RASAL1: variants seen among roughly 807,000 people sequenced by gnomAD.
RASAL1 encodes rasGAP-activating-like protein 1.
In RASAL1, 72 loss-of-function variants were observed where a neutral mutation model predicts 96.6. That is an observed-to-expected ratio of 0.75 (90% CI 0.62 to 0.91). RASAL1 has a LOEUF of 0.91. RASAL1 is among the 40% of genes least tolerant of loss of function. The probability of loss-of-function intolerance (pLI) is 0.00; values close to 1 mark genes in which losing one functional copy is unlikely to be tolerated. For synonymous variants in RASAL1, 405 were observed against 430.4 expected, an observed-to-expected ratio of 0.94 and a Z score of 0.73; for missense variants, 1,016 against 1,072.5, an observed-to-expected ratio of 0.95 and a Z score of 0.74.
intron 1 of RASAL1, among the ~76,000 whole-genome samples, chr12:113,133,666 C>T (rs1264816867): frequency 6.6e-6 from 1 of 152,182 alleles, no homozygotes; most frequent in Non-Finnish European, 1.5e-5. Context: ...CACCTAAGGG[C>T]TCCCATGGCA....
rs543806674 is a variant in RASAL1, at chr12:113,107,547, G to A, written c.1513-306C>T. The A allele has an allele frequency of 2.9e-5, 15 of 521,334 alleles. No homozygotes were observed. In the East Asian group the frequency reaches 6.6e-4, roughly 23 times the overall value. The allele number at this position is 521,334 out of a possible 1,614,324, so 32.3% of individuals were successfully genotyped here. On this transcript the variant is annotated intron_variant, in intron 14 of 20. Coordinates refer to ENST00000548055, the MANE Select transcript of RASAL1 (RefSeq NM_001301202.2). Reference sequence around the variant, plus strand: ...CTGAGGTGGGAAGATCACTTGAACCGAGGAGGCAGAGGTTGCAGTAAGCCA... The same window carrying A: ...CTGAGGTGGGAAGATCACTTGAACCAAGGAGGCAGAGGTTGCAGTAAGCCA...
rs1566053604 is a variant in RASAL1 at position 113,115,605 on chromosome 12, G to C, written c.1003+30C>G. 6.2e-7 allele frequency: 1 copy of C among 1,607,642 alleles called. No homozygotes were observed. The highest frequency in any genetic ancestry group is 8.5e-7 in the Non-Finnish European group (1 of 1,177,022). On this transcript the variant is annotated intron_variant, in intron 10 of 20. Coordinates refer to ENST00000548055, the MANE Select transcript of RASAL1 (RefSeq NM_001301202.2). This position sits in a 1 kb window ranked among gnomAD's most constrained non-coding sequence, Gnocchi z 4.1. Reference sequence around the variant, plus strand: ...TCCTGCAAGCCCACCATTGAGGGCGGTGATGTCGGGGGTTGTGCGGGCAAC... The same window carrying C: ...TCCTGCAAGCCCACCATTGAGGGCGCTGATGTCGGGGGTTGTGCGGGCAAC...
Position 113,119,180 on chromosome 12 carries a change from C to A in RASAL1, c.590G>T (p.Arg197Leu). ...CATGTCCCAGTCCCAGAGCTCCACC[C>A]GCAGTGGGGACGGGGCACCTGGCAT... ...REMPGAPSPL[R>L]VELWDWDMVG... The change falls in exon 7 of 21, where the codon CGG becomes CTG. Residue 197 changes from arginine (R) to leucine (L), a missense_variant. Arg to Leu is a moderately radical substitution (Grantham distance 102). Coordinates refer to ENST00000548055, the MANE Select transcript of RASAL1 (RefSeq NM_001301202.2). 6.2e-7 allele frequency: 1 copy of A among 1,613,960 alleles called. No homozygotes were observed. Among genetic ancestry groups the A allele is most frequent in the Non-Finnish European group, 8.5e-7 (1 of 1,179,906 alleles).
At position 113,117,174 on chromosome 12, in the gene RASAL1, A is replaced by T; in HGVS notation, c.643-13T>A. 1 of 1,567,100 alleles carries T rather than the reference A, an allele frequency of 6.4e-7. No individual in the cohort carries two copies. Among genetic ancestry groups the T allele is most frequent in the South Asian group, 1.1e-5 (1 of 88,616 alleles). ...GAGAGAACTCCACCTTTTGAGAGAG[A>T]CACACAGACCCTCAGCCGGGCCCTG... On this transcript the variant is annotated splice_polypyrimidine_tract_variant and intron_variant, in intron 7 of 20. Coordinates refer to ENST00000548055, the MANE Select transcript of RASAL1 (RefSeq NM_001301202.2).
chr12:113,128,222 G>T, intron 2 of RASAL1, 44 bp from the exon 3 acceptor site: 1 of 1,238,028 alleles, frequency 8.1e-7, no homozygotes, highest in Non-Finnish European at 1.2e-6. Flanking sequence ...GGGCCACACA[G>T]GAGGCAGACA....
At chr12:113,128,927 G>T (rs1951596243) in intron 2 of RASAL1, among the ~76,000 whole-genome samples, 1 of 148,806 alleles carries the variant, frequency 6.7e-6, no homozygotes, top group African/African-American at 2.5e-5. Context: ...TACAAGGCAG[G>T]TACACATAGA....
Position 113,135,385 on chromosome 12 carries a change from G to T in RASAL1, c.65+13C>A. 1.2e-6 allele frequency: 2 copies of T among 1,605,226 alleles called. No homozygotes were observed. The highest frequency in any genetic ancestry group is 2.3e-5 in the East Asian group (1 of 44,278). ...GCGCGCCCCTCACCCAGAAGCGCCC[G>T]AGGAGTACTCACACGTCCTTGGCAG... On this transcript the variant is annotated intron_variant, in intron 1 of 20. Coordinates refer to ENST00000548055, the MANE Select transcript of RASAL1 (RefSeq NM_001301202.2). The surrounding 1 kb of genome is among the most constrained non-coding windows in gnomAD (Gnocchi z 5.7).
At position 113,112,245 on chromosome 12, in the gene RASAL1, C is replaced by A; in HGVS notation, c.1215G>T (p.Glu405Asp). ...GCCCCAGGCTGGTCTCCCGCATCTG[C>A]TCCTCCGAGAGTGCGCCTTTGAAGG... ...RISFKGALSE[E>D]QMRETSLGLL... Residue 405 changes from glutamate to aspartate, a missense_variant, in exon 13 of 21, where the codon GAG becomes GAT. Physicochemically the swap from Glu to Asp is conservative, Grantham distance 45. Coordinates refer to ENST00000548055, the MANE Select transcript of RASAL1 (RefSeq NM_001301202.2). 7.9e-7 allele frequency: 1 copy of A among 1,266,418 alleles called. No homozygotes were observed. The highest frequency in any genetic ancestry group is 1.5e-5 in the African/African-American group (1 of 65,310). 78.4% of individuals were successfully genotyped at this position (1,266,418 alleles called of 1,614,324 possible).
At chr12:113,105,364 A>G (rs1207063835) in intron 16 of RASAL1, among the ~76,000 whole-genome samples, 1 of 152,260 alleles carries the variant, frequency 6.6e-6, no homozygotes, top group Non-Finnish European at 1.5e-5. Context: ...TTCCTAGTGA[A>G]CACATTCAAT....
At chr12:113,119,099 T>C (rs778232401) in intron 7 of RASAL1, 29 bp downstream of exon 7, 9 of 1,562,188 alleles carry the variant, frequency 5.8e-6, no homozygotes, top group Non-Finnish European at 7.8e-6. Context: ...TGGGGAGCCA[T>C]GGAGGGTATT....
intron 4 of RASAL1, among the ~76,000 whole-genome samples, chr12:113,125,914 G>A (rs78490296): frequency 1.3e-5 from 2 of 152,210 alleles, no homozygotes; most frequent in African/African-American, 4.8e-5. Flanking sequence ...GCACCACGAT[G>A]CCATCCCAAA....
chr12:113,109,418 A>G (rs1190763972), intron 13 of RASAL1, among the ~76,000 whole-genome samples: 1 of 151,846 alleles, frequency 6.6e-6, no homozygotes, highest in African/African-American at 2.4e-5. Context: ...CCCACCTCCA[A>G]CCTCTGCCCT....
chr12:113,127,077 T>TG (rs1301214494), intron 4 of RASAL1, among the ~76,000 whole-genome samples: 1 of 151,048 alleles, frequency 6.6e-6, no homozygotes, highest in Admixed American at 6.6e-5. Flanking sequence ...TTAGTAGCAA[T>TG]GGGGTCTCCC....
intron 5 of RASAL1, 32 bp from the exon 6 acceptor site, chr12:113,119,475 C>T (rs749519311): frequency 1.9e-6 from 3 of 1,574,106 alleles, no homozygotes; most frequent in South Asian, 1.1e-5. Flanking sequence ...AGTGAGGAAA[C>T]ACGGCACCCA....
chr12:113,121,731 T>C lies in RASAL1; in HGVS notation c.299-93A>G, dbSNP rs866529650. On this transcript the variant is annotated intron_variant, in intron 4 of 20. Transcript: ENST00000548055. ...ATTCAATTAACATTATTTTCATTTT[T>C]TTTTTTTTGACACAGGGTCTGGTTC... 8 of 1,446,630 alleles carry C rather than the reference T, an allele frequency of 5.5e-6. No individual in the cohort carries two copies. In the Middle Eastern group the frequency reaches 1.1e-3, roughly 193 times the overall value. The allele number at this position is 1,446,630 out of a possible 1,614,324, so 89.6% of individuals were successfully genotyped here. A position where few individuals can be genotyped will look rare whatever the true frequency, so the allele number is the denominator to read the frequency against.
intron 1 of RASAL1, among the ~76,000 whole-genome samples, chr12:113,131,360 T>C (rs1380316082): frequency 6.6e-6 from 1 of 152,086 alleles, no homozygotes; most frequent in African/African-American, 2.4e-5. Context: ...AAATCAGGTG[T>C]GATGCTCACA....
rs777167309 is a variant in RASAL1 at position 113,135,532 on chromosome 12, A to G, written c.-70T>C. 1.5e-6 allele frequency: 2 copies of G among 1,333,550 alleles called. No homozygotes were observed. Among genetic ancestry groups the G allele is most frequent in the East Asian group, 2.5e-5 (1 of 39,808 alleles). The allele number at this position is 1,333,550 out of a possible 1,614,324, so 82.6% of individuals were successfully genotyped here. Reference sequence around the variant, plus strand: ...CGAGGCTGGACCAGGGGACGTCTACATGTCACCTGCTTCAAGCCTGGCTCC... The same window carrying G: ...CGAGGCTGGACCAGGGGACGTCTACGTGTCACCTGCTTCAAGCCTGGCTCC... On this transcript the variant is annotated 5_prime_UTR_variant, in exon 1 of 21. It removes an upstream start codon present in the reference 5' UTR. Coordinates refer to ENST00000548055, the MANE Select transcript of RASAL1 (RefSeq NM_001301202.2). This position sits in a 1 kb window ranked among gnomAD's most constrained non-coding sequence, Gnocchi z 5.7.
intron 7 of RASAL1, among the ~76,000 whole-genome samples, chr12:113,118,735 A>G (rs1181785495): frequency 6.6e-6 from 1 of 152,136 alleles, no homozygotes; most frequent in Non-Finnish European, 1.5e-5. Context: ...AAAGCCACTT[A>G]GCCTCTCTGA....
At chr12:113,106,762 A>G (rs923348977) in intron 15 of RASAL1, among the ~76,000 whole-genome samples, 3 of 151,582 alleles carry the variant, frequency 2.0e-5, no homozygotes, top group Non-Finnish European at 4.4e-5. Flanking sequence ...GTGAGATCAG[A>G]TTTTCTCTGT....
Sources: allele counts gnomAD v4.1 joint callset (sites outside exome capture counted in the v4.1 genomes callset), GRCh38; gene constraint gnomAD v4.1.1; non-coding constraint Gnocchi (gnomAD v3.1); transcripts MANE v1.5; gene names NCBI Gene and HGNC (gene_info 2026-07-23, HGNC 2026-07-21).